Variants in SLC35G2 observed in about 807,000 individuals in gnomAD.
The protein encoded by SLC35G2 is transmembrane protein 22.
A neutral mutation model predicts 27.2 loss-of-function variants in SLC35G2; 20 were observed. The ratio of observed to expected loss-of-function variants is 0.74; its 90% confidence interval spans 0.52 to 1.07. The LOEUF (loss-of-function observed/expected upper bound fraction) is 1.07, where lower values mean the gene tolerates loss of function less well. Among genes scored for constraint, SLC35G2 ranks in the 50% least tolerant of loss-of-function variants. SLC35G2 has a pLI of 0.00. For synonymous variants in SLC35G2, 148 were observed against 165.3 expected (o/e 0.90, Z 0.80); for missense variants, 416 against 493.3 (o/e 0.84, Z 1.48).
In SLC35G2 at chr3:136,855,100, G is replaced by A. The variant is rs201316315; in HGVS notation, c.640G>A (p.Val214Ile). The stretch of plus-strand genomic sequence containing the variant: ...CAGTGCCATTTTGGCTTTTTTACTC[G>A]TAGATGAGAAAATGGCTTATGTTGA... ...VFSAILAFLL[V>I]DEKMAYVDMA... The change falls in exon 2 of 2, where the codon GTA (valine) becomes ATA (isoleucine). Residue 214 changes from valine (V) to isoleucine (I), a missense_variant. By Grantham distance (29) the Val-to-Ile change is conservative. Transcript: ENST00000446465. 6.1e-5 allele frequency: 99 copies of A among 1,614,124 alleles called. No homozygotes were observed. Among genetic ancestry groups the A allele is most frequent in the South Asian group, 1.3e-4 (12 of 91,078 alleles).
intron 1 of SLC35G2, among the ~76,000 whole-genome samples, chr3:136,845,882 C>A (rs1364684424): frequency 6.6e-6 from 1 of 150,952 alleles, no homozygotes; most frequent in East Asian, 1.9e-4. Context: ...GCGTGAGCCA[C>A]CGCACCCGGC....
intron 1 of SLC35G2, among the ~76,000 whole-genome samples, chr3:136,833,973 G>C (rs1187298645): frequency 6.6e-6 from 1 of 151,340 alleles, no homozygotes; most frequent in African/African-American, 2.4e-5. Flanking sequence ...GTATTGTATA[G>C]TAACCGTAAA....
intron 1 of SLC35G2, among the ~76,000 whole-genome samples, chr3:136,823,883 CTGATT>C (rs1463559347): frequency 6.6e-6 from 1 of 151,798 alleles, no homozygotes; most frequent in Non-Finnish European, 1.5e-5. Context: ...GGATTACAGG[CTGATT>C]TGATTTTTCT....
intron 1 of SLC35G2, among the ~76,000 whole-genome samples, chr3:136,847,479 T>A (rs539473929): frequency 1.7e-4 from 26 of 152,178 alleles, no homozygotes; most frequent in Non-Finnish European, 2.8e-4. Flanking sequence ...CTAACGTATA[T>A]CAGAATTAGG....
At chr3:136,822,555 T>A (rs1458082826) in intron 1 of SLC35G2, among the ~76,000 whole-genome samples, 1 of 152,238 alleles carries the variant, frequency 6.6e-6, no homozygotes, top group Non-Finnish European at 1.5e-5. Context: ...CCTCAGGTGA[T>A]CTGGCTGCCT....
At chr3:136,851,996 C>T (rs774885789) in intron 1 of SLC35G2, among the ~76,000 whole-genome samples, 3 of 152,042 alleles carry the variant, frequency 2.0e-5, no homozygotes, top group Non-Finnish European at 2.9e-5. Flanking sequence ...AGATTAGTGA[C>T]CAAATGCAAG....
chr3:136,847,194 T>A (rs1015955612), intron 1 of SLC35G2, among the ~76,000 whole-genome samples: 10 of 151,522 alleles, frequency 6.6e-5, no homozygotes, highest in East Asian at 3.9e-4. Context: ...AAATAAATAA[T>A]AAATAAATAA....
chr3:136,835,497 G>A (rs894664242), intron 1 of SLC35G2, among the ~76,000 whole-genome samples: 2 of 152,022 alleles, frequency 1.3e-5, no homozygotes, highest in South Asian at 4.2e-4. Flanking sequence ...ATGGCTTAAG[G>A]TGATAATTTC....
intron 1 of SLC35G2, among the ~76,000 whole-genome samples, chr3:136,826,965 C>T (rs1936599900): frequency 7.0e-6 from 1 of 142,882 alleles, no homozygotes; most frequent in South Asian, 2.2e-4. Context: ...GATCTTCTCT[C>T]TTTTTTCTTT....
chr3:136,825,920 G>A (rs1031335970), intron 1 of SLC35G2, among the ~76,000 whole-genome samples: 1 of 152,168 alleles, frequency 6.6e-6, no homozygotes, highest in Non-Finnish European at 1.5e-5. Context: ...CTCATAGAGT[G>A]AGTTCGGAAG....
intron 1 of SLC35G2, among the ~76,000 whole-genome samples, chr3:136,848,979 A>C (rs890603244): frequency 1.3e-5 from 2 of 152,124 alleles, no homozygotes; most frequent in East Asian, 3.9e-4. Context: ...AGGGAGTTCA[A>C]GACCAGCCTG....
intron 1 of SLC35G2, among the ~76,000 whole-genome samples, chr3:136,831,317 G>A (rs1936724906): frequency 2.0e-5 from 3 of 152,228 alleles, no homozygotes; most frequent in Admixed American, 2.0e-4. Context: ...TCCAGAATTA[G>A]AGGTGCTTGG....
Position 136,855,604 on chromosome 3 carries a change from A to T in SLC35G2, c.1144A>T (p.Met382Leu). ...IYDVFGGVII[M>L]ISVFVLAGYK... The stretch of plus-strand genomic sequence containing the variant: ...TGATGTTTTTGGAGGGGTAATCATT[A>T]TGATTAGTGTTTTTGTCCTTGCTGG... The change falls in exon 2 of 2, where the codon ATG becomes TTG. Residue 382 changes from methionine (M) to leucine (L), a missense_variant. Transcript: ENST00000446465. 1 of 1,614,070 alleles carries T rather than the reference A, an allele frequency of 6.2e-7. No homozygotes were observed. Among genetic ancestry groups the T allele is most frequent in the African/African-American group, 1.3e-5 (1 of 75,034 alleles).
At chr3:136,848,170 A>G (rs532805919) in intron 1 of SLC35G2, among the ~76,000 whole-genome samples, 2 of 152,342 alleles carry the variant, frequency 1.3e-5, no homozygotes, top group South Asian at 4.1e-4. Flanking sequence ...TTATTAAGTC[A>G]GGCCTACCCA....
chr3:136,820,292 C>A (rs1936422144), intron 1 of SLC35G2: 1 of 152,474 alleles, frequency 6.6e-6, no homozygotes, highest in Non-Finnish European at 1.5e-5. Flanking sequence ...TTGGCTCAGG[C>A]TTGCCTATGT....
At chr3:136,835,167 T>C (rs1936831427) in intron 1 of SLC35G2, among the ~76,000 whole-genome samples, 1 of 152,200 alleles carries the variant, frequency 6.6e-6, no homozygotes, top group Non-Finnish European at 1.5e-5. Flanking sequence ...GAAAAAGTAT[T>C]TCTTACTTTT....
chr3:136,854,236 T>A (rs1937838588), intron 1 of SLC35G2, among the ~76,000 whole-genome samples: 1 of 152,164 alleles, frequency 6.6e-6, no homozygotes. Context: ...GAGACAGACT[T>A]CAGATGAGAG....
chr3:136,836,677 C>A (rs1382749488), intron 1 of SLC35G2, among the ~76,000 whole-genome samples: 1 of 152,220 alleles, frequency 6.6e-6, no homozygotes, highest in African/African-American at 2.4e-5. Flanking sequence ...AAGCCAAATG[C>A]TCTACCTGCC....
chr3:136,836,942 T>G (rs1311728358), intron 1 of SLC35G2, among the ~76,000 whole-genome samples: 1 of 152,190 alleles, frequency 6.6e-6, no homozygotes, highest in Non-Finnish European at 1.5e-5. Flanking sequence ...GTCCAGAAGA[T>G]CAGAAATCTG....
Sources: allele counts gnomAD v4.1 joint callset (sites outside exome capture counted in the v4.1 genomes callset), GRCh38; gene constraint gnomAD v4.1.1; transcripts MANE v1.5; gene names NCBI Gene and HGNC (gene_info 2026-07-23, HGNC 2026-07-21).